Variants in STK32B observed in about 807,000 individuals in gnomAD.
STK32B encodes the protein serine/threonine-protein kinase 32B.
STK32B carries 43 observed loss-of-function variants against 52.6 expected under a neutral mutation model. That is an observed-to-expected ratio of 0.82 (90% CI 0.64 to 1.05). STK32B has a LOEUF of 1.05. Ranked by LOEUF, STK32B falls within the 50% of genes least tolerant of loss-of-function variation. The pLI, the probability that STK32B is intolerant of heterozygous loss-of-function variation, is 0.00. For missense variants in STK32B, 621 were observed against 534.6 expected, an observed-to-expected ratio of 1.16 and a Z score of -1.59; for synonymous variants, 238 against 204.3, an observed-to-expected ratio of 1.17 and a Z score of -1.41.
intron 2 of STK32B, among the ~76,000 whole-genome samples, chr4:5,155,933 A>G (rs1288517544): frequency 6.6e-6 from 1 of 152,130 alleles, no homozygotes; most frequent in African/African-American, 2.4e-5. Flanking sequence ...TCTAAGCAAT[A>G]TGTACACGTG....
chr4:5,190,972 C>G (rs943957873), intron 3 of STK32B, among the ~76,000 whole-genome samples: 6 of 152,226 alleles, frequency 3.9e-5, no homozygotes, highest in Admixed American at 1.3e-4. Context: ...CAACGTAACA[C>G]TGCCTGCACT....
intron 11 of STK32B, among the ~76,000 whole-genome samples, chr4:5,478,781 G>A (rs998043013): frequency 6.6e-6 from 1 of 152,202 alleles, no homozygotes; most frequent in South Asian, 2.1e-4. Flanking sequence ...GGGATGGAGA[G>A]CCTCAATCAC....
intron 11 of STK32B, among the ~76,000 whole-genome samples, 184 bp downstream of exon 11, chr4:5,468,254 C>G (rs1032108566): frequency 1.3e-5 from 2 of 152,214 alleles, no homozygotes; most frequent in Admixed American, 1.3e-4. Context: ...GACAGGGCTC[C>G]GATCCTGCCT....
At chr4:5,410,236 C>A (rs1711556621) in intron 5 of STK32B, among the ~76,000 whole-genome samples, 2 of 152,144 alleles carry the variant, frequency 1.3e-5, no homozygotes, top group Non-Finnish European at 2.9e-5. Context: ...GGCCCACAGC[C>A]CTGATTCTCA....
intron 4 of STK32B, among the ~76,000 whole-genome samples, chr4:5,379,159 T>C (rs561394778): frequency 1.3e-5 from 2 of 152,294 alleles, no homozygotes; most frequent in South Asian, 4.1e-4. Flanking sequence ...GGGCATCTAC[T>C]GTATTCCTTA....
At chr4:5,355,859 G>C (rs906274676) in intron 4 of STK32B, among the ~76,000 whole-genome samples, 12 of 152,296 alleles carry the variant, frequency 7.9e-5, no homozygotes, top group African/African-American at 2.6e-4. Flanking sequence ...GAAACCTCAA[G>C]CACCACTTTA....
In STK32B at chr4:5,378,695, A is replaced by T. The variant is rs1475445394; in HGVS notation, c.435-19512A>T. ...CAGACATGCAGTGTGAAATAAGCAC[A>T]TCGTGGAGAATGGACTCTGCATTTT... On this transcript the variant is annotated intron_variant, in intron 4 of 11. Coordinates refer to ENST00000282908, the MANE Select transcript of STK32B (RefSeq NM_018401.3). This position sits in a 1 kb window ranked among gnomAD's most constrained non-coding sequence, Gnocchi z 4.4. 1.3e-5 allele frequency among the ~76,000 whole-genome samples: 2 copies of T among 152,140 alleles called. No individual in the cohort carries two copies. The highest frequency in any genetic ancestry group is 2.9e-5 in the Non-Finnish European group (2 of 68,026).
At chr4:5,354,598 C>A (rs575452357) in intron 4 of STK32B, among the ~76,000 whole-genome samples, 1 of 152,144 alleles carries the variant, frequency 6.6e-6, no homozygotes, top group African/African-American at 2.4e-5. Flanking sequence ...TGCTCCATAG[C>A]AGAGAAGGGT....
chr4:5,082,397 G>T (rs966934222), intron 1 of STK32B, among the ~76,000 whole-genome samples: 3 of 152,148 alleles, frequency 2.0e-5, no homozygotes, highest in Admixed American at 2.0e-4. Flanking sequence ...AGCATTGTAG[G>T]TACCCATGTG....
intron 6 of STK32B, among the ~76,000 whole-genome samples, chr4:5,434,958 G>C (rs559292845): frequency 8.7e-4 from 132 of 152,236 alleles, no homozygotes; most frequent in Non-Finnish European, 1.6e-3. Context: ...CTGACATTCT[G>C]GTCTGGGCTC....
Position 5,307,546 on chromosome 4 carries a change from A to ATT in STK32B, c.261-23673_261-23672insTT, listed in dbSNP as rs769423490. Among the ~76,000 whole-genome samples, 237 of 131,098 alleles carry ATT rather than the reference A, an allele frequency of 1.8e-3. 3 individuals carry two copies. The highest frequency in any genetic ancestry group is 7.2e-3 in the African/African-American group (209 of 29,180). The allele number at this position is 131,098 out of a possible 152,430, so 86.0% of individuals were successfully genotyped here. ...TGGAGATTTTCCATTCATATGCTCT[A>ATT]TCTTTTTTTTTTTTTTTTAGGTTGA... is the stretch of plus-strand genomic sequence containing the variant. On this transcript the variant is annotated intron_variant, in intron 3 of 11. Transcript: ENST00000282908.
At chr4:5,481,343 G>A (rs1718690136) in intron 11 of STK32B, among the ~76,000 whole-genome samples, 1 of 152,194 alleles carries the variant, frequency 6.6e-6, no homozygotes, top group Non-Finnish European at 1.5e-5. Context: ...GAGCTGATGA[G>A]CATTTTTTCA....
At chr4:5,338,490 A>G (rs960936736) in intron 4 of STK32B, among the ~76,000 whole-genome samples, 3 of 152,166 alleles carry the variant, frequency 2.0e-5, no homozygotes, top group African/African-American at 7.2e-5. Context: ...TCAGTTGTAT[A>G]TGTGTCATTC....
chr4:5,136,640 C>T (rs1428773031), intron 1 of STK32B, among the ~76,000 whole-genome samples: 2 of 152,200 alleles, frequency 1.3e-5, no homozygotes, highest in Non-Finnish European at 2.9e-5. Flanking sequence ...CTTCAACCCT[C>T]TCACACCCCC....
At chr4:5,146,518 T>C (rs61585093) in intron 2 of STK32B, among the ~76,000 whole-genome samples, 6,512 of 152,230 alleles carry the variant, frequency 0.043, 420 homozygotes, top group African/African-American at 0.14. Flanking sequence ...TGGCAGCCGA[T>C]TGGATGGTGC....
Position 5,112,507 on chromosome 4 carries a change from C to T in STK32B, c.53-27398C>T, listed in dbSNP as rs571132705. On this transcript the variant is annotated intron_variant, in intron 1 of 11. Coordinates refer to ENST00000282908, the MANE Select transcript of STK32B (RefSeq NM_018401.3). The stretch of plus-strand genomic sequence containing the variant: ...CAAGGCAGTCAGGCAGGAGGAGTTC[C>T]CTTCTACTAGAGGAAGGGTCAGCCT... Among the ~76,000 whole-genome samples, 3 of 152,116 alleles carry T rather than the reference C, an allele frequency of 2.0e-5. 1 individual carries two copies. The highest frequency in any genetic ancestry group is 7.2e-5 in the African/African-American group (3 of 41,394).
chr4:5,184,695 A>AAAAAAAAAAAAGAAG (rs58321341), intron 3 of STK32B, among the ~76,000 whole-genome samples: 56 of 137,580 alleles, frequency 4.1e-4, no homozygotes, highest in African/African-American at 7.0e-4. Context: ...AAAAAAAAAA[A>AAAAAAAAAAAAGAAG]AAGAAGAAGA....
intron 5 of STK32B, among the ~76,000 whole-genome samples, chr4:5,406,028 T>C (rs1737637672): frequency 6.6e-6 from 1 of 152,146 alleles, no homozygotes; most frequent in African/African-American, 2.4e-5. Flanking sequence ...TATGAGTCTG[T>C]AAAATCAAAA....
intron 3 of STK32B, among the ~76,000 whole-genome samples, chr4:5,256,950 G>A (rs989482329): frequency 6.6e-6 from 1 of 152,084 alleles, no homozygotes; most frequent in Non-Finnish European, 1.5e-5. Context: ...TGAGTAAGTG[G>A]ATGAATAAGT....
Sources: allele counts gnomAD v4.1 joint callset (sites outside exome capture counted in the v4.1 genomes callset), GRCh38; gene constraint gnomAD v4.1.1; non-coding constraint Gnocchi (gnomAD v3.1); transcripts MANE v1.5; gene names NCBI Gene and HGNC (gene_info 2026-07-23, HGNC 2026-07-21).